Variants in BCAS3 observed in about 807,000 individuals in gnomAD.
BCAS3 encodes BCAS4/BCAS3 fusion.
In BCAS3, 53 loss-of-function variants were observed where a neutral mutation model predicts 116.1. The ratio of observed to expected loss-of-function variants is 0.46; its 90% confidence interval spans 0.37 to 0.57. The LOEUF (loss-of-function observed/expected upper bound fraction) is 0.57. Among genes scored for constraint, BCAS3 ranks in the 20% least tolerant of loss-of-function variants. BCAS3 has a pLI of 0.00. For synonymous variants in BCAS3, 391 were observed against 408.2 expected, an observed-to-expected ratio of 0.96 and a Z score of 0.51; for missense variants, 917 against 1,165.4, an observed-to-expected ratio of 0.79 and a Z score of 3.10.
chr17:61,166,639 C>A (rs535645050), intron 22 of BCAS3, among the ~76,000 whole-genome samples: 2 of 152,222 alleles, frequency 1.3e-5, no homozygotes, highest in South Asian at 4.1e-4. Context: ...CTCAAGTGAT[C>A]CGCCTGCCTT....
intron 5 of BCAS3, among the ~76,000 whole-genome samples, chr17:60,731,653 T>G (rs371890330): frequency 1.3e-5 from 2 of 152,280 alleles, no homozygotes; most frequent in East Asian, 3.9e-4. Context: ...AACATTTATT[T>G]GTGGGATTTT....
rs1261122793 is a variant in BCAS3, at chr17:61,352,603, C to G, written c.2426-15724C>G. 6.6e-6 allele frequency among the ~76,000 whole-genome samples: 1 copy of G among 152,136 alleles called. No homozygotes were observed. Among genetic ancestry groups the G allele is most frequent in the Non-Finnish European group, 1.5e-5 (1 of 68,022 alleles). ...GCCACAGCCTCGGAATCTCTTTACC[C>G]GTAGGCGCCACACTTGGCACACAAT... On this transcript the variant is annotated intron_variant, in intron 22 of 23. Coordinates refer to ENST00000407086, the MANE Select transcript of BCAS3 (RefSeq NM_017679.5). This position sits in a 1 kb window ranked among gnomAD's most constrained non-coding sequence, Gnocchi z 4.7.
At position 61,083,274 on chromosome 17, in the gene BCAS3, C is replaced by T. The variant is rs1219291567; in HGVS notation, c.2328-1193C>T. Among the ~76,000 whole-genome samples the T allele has an allele frequency of 1.3e-5, 2 of 152,134 alleles. No individual in the cohort carries two copies. Among genetic ancestry groups the T allele is most frequent in the Non-Finnish European group, 2.9e-5 (2 of 68,018 alleles). ...CTGAGCTTTTACTATTTATGTCATT[C>T]ATATTTACACTTTAGTTTTATTTTG... is the stretch of plus-strand genomic sequence containing the variant. On this transcript the variant is annotated intron_variant, in intron 21 of 23. Coordinates refer to ENST00000407086, the MANE Select transcript of BCAS3 (RefSeq NM_017679.5). The surrounding 1 kb of genome is among the most constrained non-coding windows in gnomAD (Gnocchi z 4.9).
chr17:61,380,498 C>A lies in BCAS3; in HGVS notation c.2594-11479C>A. 6.3e-7 allele frequency: 1 copy of A among 1,596,342 alleles called. No individual in the cohort carries two copies. Among genetic ancestry groups the A allele is most frequent in the Non-Finnish European group, 8.5e-7 (1 of 1,178,048 alleles). ...CCGCTTTAAAGGAATATTTTATTTTCAATACAGACACAGCCCTTGACGTAG... is the reference window on the plus strand; with the variant it reads ...CCGCTTTAAAGGAATATTTTATTTTAAATACAGACACAGCCCTTGACGTAG... On this transcript the variant is annotated intron_variant, in intron 23 of 23. Coordinates refer to ENST00000407086, the MANE Select transcript of BCAS3 (RefSeq NM_017679.5). The surrounding 1 kb of genome is among the most constrained non-coding windows in gnomAD (Gnocchi z 4.2).
chr17:60,772,787 C>T (rs1014531813), intron 6 of BCAS3, among the ~76,000 whole-genome samples: 5 of 152,106 alleles, frequency 3.3e-5, no homozygotes, highest in African/African-American at 4.8e-5. Context: ...GCAGGAGAAT[C>T]GCTTGAACCT....
chr17:61,277,952 G>A (rs1298837569), intron 22 of BCAS3, among the ~76,000 whole-genome samples: 2 of 152,222 alleles, frequency 1.3e-5, no homozygotes, highest in Non-Finnish European at 2.9e-5. Context: ...ATGGTTAACA[G>A]AGTTACCCTA....
rs2058593382 is a variant in BCAS3 at position 61,363,931 on chromosome 17, G to A, written c.2426-4396G>A. Among the ~76,000 whole-genome samples the A allele has an allele frequency of 6.6e-6, 1 of 152,174 alleles. No homozygotes were observed. Among genetic ancestry groups the A allele is most frequent in the African/African-American group, 2.4e-5 (1 of 41,438 alleles). On this transcript the variant is annotated intron_variant, in intron 22 of 23. Transcript: ENST00000407086. This position sits in a 1 kb window ranked among gnomAD's most constrained non-coding sequence, Gnocchi z 4.9. ...CCAGAGATGACCTCACCCTCCAAGG[G>A]CTTGGCCTCTTCACCCCAGTGCCTG... is the stretch of plus-strand genomic sequence containing the variant.
intron 4 of BCAS3, among the ~76,000 whole-genome samples, chr17:60,699,237 CAG>C (rs1195268797): frequency 1.3e-5 from 2 of 151,978 alleles, no homozygotes; most frequent in Non-Finnish European, 2.9e-5. Flanking sequence ...ATTTATGAGA[CAG>C]AGTCTCACTC....
chr17:61,180,947 A>G lies in BCAS3; in HGVS notation c.2425+96383A>G, dbSNP rs930990318. Among the ~76,000 whole-genome samples, 10 of 152,098 alleles carry G rather than the reference A, an allele frequency of 6.6e-5. No homozygotes were observed. In the South Asian group the frequency reaches 1.0e-3, roughly 16 times the overall value. On this transcript the variant is annotated intron_variant, in intron 22 of 23. Coordinates refer to ENST00000407086, the MANE Select transcript of BCAS3 (RefSeq NM_017679.5). The surrounding 1 kb of genome is among the most constrained non-coding windows in gnomAD (Gnocchi z 6.0). ...TAAAAAGGATCTAAGGTCAGGCACG[A>G]TGGCTCACACCTGTAATCTTAGCAC...
At chr17:60,922,400 C>T (rs1269108681) in intron 12 of BCAS3, among the ~76,000 whole-genome samples, 2 of 152,218 alleles carry the variant, frequency 1.3e-5, no homozygotes, top group Admixed American at 6.5e-5. Flanking sequence ...GCTGGGATTA[C>T]AGGCATGAGC....
intron 22 of BCAS3, among the ~76,000 whole-genome samples, chr17:61,314,183 A>G (rs1313807697): frequency 6.6e-6 from 1 of 152,080 alleles, no homozygotes; most frequent in Non-Finnish European, 1.5e-5. Context: ...CAGGGAGGAG[A>G]TTCACGTTTT....
At position 61,136,620 on chromosome 17, in the gene BCAS3, C is replaced by T. The variant is rs548995300; in HGVS notation, c.2425+52056C>T. On this transcript the variant is annotated intron_variant, in intron 22 of 23. Coordinates refer to ENST00000407086, the MANE Select transcript of BCAS3 (RefSeq NM_017679.5). This position sits in a 1 kb window ranked among gnomAD's most constrained non-coding sequence, Gnocchi z 4.4. ...TGTCGCCCAGGCTGGAGTGCAGTAG[C>T]GCGATCTCAGCTCACTGCAACCTCT... 1.6e-4 allele frequency among the ~76,000 whole-genome samples: 25 copies of T among 152,278 alleles called. No homozygotes were observed. The highest frequency in any genetic ancestry group is 3.4e-3 in the Middle Eastern group (1 of 294).
chr17:60,947,474 A>G (rs1400486919), intron 14 of BCAS3, 122 bp downstream of exon 14: 5 of 1,123,786 alleles, frequency 4.4e-6, no homozygotes, highest in Admixed American at 2.3e-5. Context: ...GCTGTCTGTG[A>G]TAGAATGGGT....
rs1270506693 is a variant in BCAS3 at position 60,885,808 on chromosome 17, A to T, written c.662-3887A>T. On this transcript the variant is annotated intron_variant, in intron 9 of 23. Transcript: ENST00000407086. Reference sequence around the variant, plus strand: ...TCTGGCTTGTAGGGTTTCTGCCGAGAGATCTGCTGTTAGTCTGATGGGCTT... The same window carrying T: ...TCTGGCTTGTAGGGTTTCTGCCGAGTGATCTGCTGTTAGTCTGATGGGCTT... Among the ~76,000 whole-genome samples, 17 of 144,370 alleles carry T rather than the reference A, an allele frequency of 1.2e-4. No individual in the cohort carries two copies. In the East Asian group the frequency reaches 2.6e-3, roughly 22 times the overall value. 94.7% of individuals were successfully genotyped at this position (144,370 alleles called of 152,430 possible).
At chr17:61,245,073 G>C (rs1294043054) in intron 22 of BCAS3, 2 of 152,354 alleles carry the variant, frequency 1.3e-5, no homozygotes, top group Non-Finnish European at 2.9e-5. Context: ...GAGGTTTAAT[G>C]GACTCACTGT....
rs555424793 is a variant in BCAS3 at position 61,251,528 on chromosome 17, CCATTCCA to C, written c.2426-116797_2426-116791del. 5.9e-5 allele frequency among the ~76,000 whole-genome samples: 9 copies of C among 151,558 alleles called. No individual in the cohort carries two copies. Among genetic ancestry groups the C allele is most frequent in the Non-Finnish European group, 1.3e-4 (9 of 67,958 alleles). ...GAGGTTGCAGTGAGCCGAGATTGCG[CCATTCCA>C]CTCCAGCCTGGGCAACAAGAGCGAA... On this transcript the variant is annotated intron_variant, in intron 22 of 23. Coordinates refer to ENST00000407086, the MANE Select transcript of BCAS3 (RefSeq NM_017679.5). The surrounding 1 kb of genome is among the most constrained non-coding windows in gnomAD (Gnocchi z 4.7).
At chr17:60,943,380 A>G (rs536953356) in intron 13 of BCAS3, among the ~76,000 whole-genome samples, 4 of 152,280 alleles carry the variant, frequency 2.6e-5, no homozygotes, top group Non-Finnish European at 4.4e-5. Flanking sequence ...GATATAGAGT[A>G]GAAGAATGGA....
rs190223333 is a variant in BCAS3, at chr17:61,367,939, C to T, written c.2426-388C>T. ...GGGATTGCAGGTGTAAGGCACCACT[C>T]CCCGCCCTAAATGAAATTGTAGATG... On this transcript the variant is annotated intron_variant, in intron 22 of 23. Coordinates refer to ENST00000407086, the MANE Select transcript of BCAS3 (RefSeq NM_017679.5). This position sits in a 1 kb window ranked among gnomAD's most constrained non-coding sequence, Gnocchi z 6.2. 2.5e-5 allele frequency: 4 copies of T among 159,988 alleles called. No individual in the cohort carries two copies. The Admixed American group carries it at 2.5e-4, about 10-fold the overall frequency. The allele number at this position is 159,988 out of a possible 1,614,324, so 9.9% of individuals were successfully genotyped here. A position where few individuals can be genotyped will look rare whatever the true frequency, so the allele number is the denominator to read the frequency against.
chr17:60,974,627 C>G (rs1398035469), intron 14 of BCAS3, among the ~76,000 whole-genome samples: 2 of 151,918 alleles, frequency 1.3e-5, no homozygotes, highest in African/African-American at 4.8e-5. Flanking sequence ...TCTGATTAGC[C>G]AAATTTTATA....
Sources: gnomAD v4.1 joint callset for allele counts (sites outside exome capture counted in the v4.1 genomes callset) on GRCh38, gnomAD v4.1.1 for gene constraint, Gnocchi (gnomAD v3.1) non-coding constraint, MANE v1.5 for transcripts, NCBI Gene and HGNC (gene_info 2026-07-23, HGNC 2026-07-21) for gene names.